The following LSM14A variants were observed in gnomAD, a reference collection of about 807,000 sequenced individuals.
The protein encoded by LSM14A is LSM14A mRNA processing body assembly factor, also known as protein LSM14 homolog A.
A neutral mutation model predicts 52.4 loss-of-function variants in LSM14A; 14 were observed. The ratio of observed to expected loss-of-function variants is 0.27; its 90% CI spans 0.18 to 0.42. LSM14A has a LOEUF of 0.42. Ranked by LOEUF, LSM14A falls within the 10% of genes least tolerant of loss-of-function variation. The pLI is 1.00. For synonymous variants in LSM14A, 185 were observed against 200.3 expected, an observed-to-expected ratio of 0.92 and a Z score of 0.64; for missense variants, 417 against 581.8, an observed-to-expected ratio of 0.72 and a Z score of 2.91.
At chr19:34,196,141 CAGCTT>C (rs1382217369) in intron 2 of LSM14A, among the ~76,000 whole-genome samples, 3 of 152,118 alleles carry the variant, frequency 2.0e-5, no homozygotes, top group Non-Finnish European at 4.4e-5. Context: ...AAATGTTCCT[CAGCTT>C]AATGTAACTA....
intron 1 of LSM14A, among the ~76,000 whole-genome samples, chr19:34,175,349 G>C (rs1210236016): frequency 6.6e-6 from 1 of 151,824 alleles, no homozygotes; most frequent in East Asian, 1.9e-4. Flanking sequence ...TCCTGCCTCA[G>C]CCTCCTGAGT....
chr19:34,200,982 G>T lies in LSM14A; in HGVS notation c.415+4219G>T, dbSNP rs1345679889. 2.6e-5 allele frequency among the ~76,000 whole-genome samples: 4 copies of T among 152,150 alleles called. 1 individual carries two copies. Among genetic ancestry groups the T allele is most frequent in the African/African-American group, 4.8e-5 (2 of 41,420 alleles). On this transcript the variant is annotated intron_variant, in intron 3 of 9. Transcript: ENST00000544216. The stretch of plus-strand genomic sequence containing the variant: ...TGTTAAAAAATTTGAACAGGATCAA[G>T]CACGTAGTATCTATATAGTAACTAT...
At chr19:34,179,027 T>C (rs2069283704) in intron 1 of LSM14A, among the ~76,000 whole-genome samples, 1 of 152,216 alleles carries the variant, frequency 6.6e-6, no homozygotes, top group South Asian at 2.1e-4. Flanking sequence ...GATGCCTAAA[T>C]AGGCTAAAAT....
chr19:34,214,383 C>T (rs540175105), intron 4 of LSM14A, among the ~76,000 whole-genome samples: 31 of 151,948 alleles, frequency 2.0e-4, no homozygotes, highest in African/African-American at 7.2e-4. Flanking sequence ...ACAATCTCGG[C>T]TCACTGCAGC....
intron 9 of LSM14A, among the ~76,000 whole-genome samples, chr19:34,222,801 T>A (rs1224898526): frequency 6.6e-6 from 1 of 152,200 alleles, no homozygotes; most frequent in East Asian, 1.9e-4. Context: ...GTTGCGGGAC[T>A]TCTGACTTGC....
At chr19:34,192,319 GTTTTTTTTTTT>G (rs71165632) in intron 1 of LSM14A, among the ~76,000 whole-genome samples, 1 of 53,410 alleles carries the variant, frequency 1.9e-5, no homozygotes, top group African/African-American at 8.1e-5. Context: ...TCTTTTTGTT[GTTTTTTTTTTT>G]TTTTTTTTTT....
rs1253276248 is a variant in LSM14A at position 34,196,773 on chromosome 19, CT to C, written c.415+15del. The stretch of plus-strand genomic sequence containing the variant: ...GGTGCTGTTGGTGTTGGTATGTTTT[CT>C]TTTTCTTTTCTTTTTTTGTTTTTGT... On this transcript the variant is annotated intron_variant, in intron 3 of 9. Transcript: ENST00000544216. 1 of 1,583,528 alleles carries C rather than the reference CT, an allele frequency of 6.3e-7. No individual in the cohort carries two copies. The highest frequency in any genetic ancestry group is 1.9e-5 in the Admixed American group (1 of 51,380).
Position 34,227,691 on chromosome 19 carries a change from A to G in LSM14A, c.*303A>G, listed in dbSNP as rs900821284. 6.3e-6 allele frequency: 2 copies of G among 317,162 alleles called. No homozygotes were observed. The highest frequency in any genetic ancestry group is 4.3e-5 in the African/African-American group (2 of 46,068). The allele number at this position is 317,162 out of a possible 1,614,324, so 19.6% of individuals were successfully genotyped here. On this transcript the variant is annotated 3_prime_UTR_variant, in exon 10 of 10. Transcript: ENST00000544216. ...AGTGGGACTTAACAAGTATTTTTTC[A>G]TCACTGAAAGGTTTTTTTTTTTTAT...
In LSM14A at chr19:34,200,490, T is replaced by TA. The variant is rs142433001; in HGVS notation, c.415+3731dup. ...TTGGGGGAGGTGGTTTTGAAGTATT[T>TA]AAAAGTAAAAGGGCCAAATTGATTT... is the stretch of plus-strand genomic sequence containing the variant. On this transcript the variant is annotated intron_variant, in intron 3 of 9. Transcript: ENST00000544216. Among the ~76,000 whole-genome samples, 971 of 152,238 alleles carry TA rather than the reference T, an allele frequency of 6.4e-3. 11 individuals carry two copies. The highest frequency in any genetic ancestry group is 0.022 in the African/African-American group (933 of 41,540).
chr19:34,212,614 A>T (rs1002010807), intron 4 of LSM14A, among the ~76,000 whole-genome samples: 1 of 152,242 alleles, frequency 6.6e-6, no homozygotes, highest in African/African-American at 2.4e-5. Flanking sequence ...TCACAAAATT[A>T]AAATTCCTAG....
chr19:34,180,513 C>T (rs1187284495), intron 1 of LSM14A, among the ~76,000 whole-genome samples: 1 of 152,128 alleles, frequency 6.6e-6, no homozygotes, highest in African/African-American at 2.4e-5. Context: ...AATGTTGGTG[C>T]TTAATAGAGA....
chr19:34,206,828 A>G (rs1307512928), intron 3 of LSM14A, among the ~76,000 whole-genome samples: 1 of 152,226 alleles, frequency 6.6e-6, no homozygotes, highest in Non-Finnish European at 1.5e-5. Flanking sequence ...AGTAATGTTT[A>G]TTAGATGTAG....
At chr19:34,182,555 C>T (rs968210851) in intron 1 of LSM14A, among the ~76,000 whole-genome samples, 5 of 151,716 alleles carry the variant, frequency 3.3e-5, no homozygotes, top group African/African-American at 7.3e-5. Context: ...AGTCAACTCT[C>T]GGCCGGGCGC....
At position 34,221,082 on chromosome 19, in the gene LSM14A, T is replaced by C. The variant is rs971231804; in HGVS notation, c.1137-425T>C. 3.3e-4 allele frequency among the ~76,000 whole-genome samples: 18 copies of C among 54,432 alleles called. 1 individual carries two copies. The highest frequency in any genetic ancestry group is 9.1e-5 in the Non-Finnish European group (2 of 22,076). 35.7% of individuals were successfully genotyped at this position (54,432 alleles called of 152,430 possible). A position where few individuals can be genotyped will look rare whatever the true frequency, so the allele number is the denominator to read the frequency against. ...ACTCGTGATAACTTAGATAAGATGCTTTTTTTTTTTTTTTTTTGAGATGGA... is the reference window on the plus strand; with the variant it reads ...ACTCGTGATAACTTAGATAAGATGCCTTTTTTTTTTTTTTTTTGAGATGGA... On this transcript the variant is annotated intron_variant, in intron 8 of 9. Coordinates refer to ENST00000544216, the MANE Select transcript of LSM14A (RefSeq NM_015578.4).
At chr19:34,183,660 C>G (rs1213146408) in intron 1 of LSM14A, among the ~76,000 whole-genome samples, 2 of 152,114 alleles carry the variant, frequency 1.3e-5, no homozygotes, top group African/African-American at 4.8e-5. Context: ...GTTTAAATGA[C>G]TTAGCAAAGT....
At chr19:34,207,085 T>C (rs2071755228) in intron 3 of LSM14A, among the ~76,000 whole-genome samples, 1 of 152,144 alleles carries the variant, frequency 6.6e-6, no homozygotes. Flanking sequence ...AAAATAAAAC[T>C]TGACCCCTGG....
At chr19:34,192,311 T>G (rs1395584179) in intron 1 of LSM14A, among the ~76,000 whole-genome samples, 2 of 86,436 alleles carry the variant, frequency 2.3e-5, no homozygotes, top group Non-Finnish European at 4.4e-5. Context: ...AATAACATTC[T>G]TTTTGTTGTT....
Position 34,227,596 on chromosome 19 carries a change from CA to C in LSM14A, c.*209del. 1 of 471,896 alleles carries C rather than the reference CA, an allele frequency of 2.1e-6. No individual in the cohort carries two copies. The highest frequency in any genetic ancestry group is 3.8e-6 in the Non-Finnish European group (1 of 265,950). 29.2% of individuals were successfully genotyped at this position (471,896 alleles called of 1,614,324 possible). A position where few individuals can be genotyped will look rare whatever the true frequency, so the allele number is the denominator to read the frequency against. On this transcript the variant is annotated 3_prime_UTR_variant, in exon 10 of 10. Transcript: ENST00000544216. ...TGGAAGGCTCATCTTAAAACATGAG[CA>C]TTAAATATATTTGGAATAGCAGAAG...
chr19:34,214,886 G>A, intron 4 of LSM14A, among the ~76,000 whole-genome samples: 1 of 151,238 alleles, frequency 6.6e-6, no homozygotes. Context: ...TGAGGGGGAG[G>A]GAGTTGTTTT....
Sources: gnomAD v4.1 joint callset for allele counts (sites outside exome capture counted in the v4.1 genomes callset) on GRCh38, gnomAD v4.1.1 for gene constraint, MANE v1.5 for transcripts, NCBI Gene and HGNC (gene_info 2026-07-23, HGNC 2026-07-21) for gene names.